The following BACH2 variants were observed in gnomAD, a reference collection of about 807,000 sequenced individuals.
BACH2 encodes the protein BACH transcriptional regulator 2.
A neutral mutation model predicts 61.8 loss-of-function variants in BACH2; 5 were observed. The observed-to-expected ratio is 0.08, with a 90% CI of 0.04 to 0.17. The LOEUF (loss-of-function observed/expected upper bound fraction) is 0.17, where lower values mean the gene tolerates loss of function less well. Ranked by LOEUF, BACH2 falls within the 10% of genes least tolerant of loss-of-function variation. The pLI is 1.00. For missense variants in BACH2, 824 were observed against 1,091.1 expected, an observed-to-expected ratio of 0.76 and a Z score of 3.45; for synonymous variants, 446 against 440.1, an observed-to-expected ratio of 1.01 and a Z score of -0.17.
intron 4 of BACH2, among the ~76,000 whole-genome samples, chr6:90,178,708 T>C (rs1312297507): frequency 6.6e-6 from 1 of 152,194 alleles, no homozygotes; most frequent in Non-Finnish European, 1.5e-5. Flanking sequence ...AGAAATGCCA[T>C]GAGACTTCCT....
At chr6:90,027,035 C>A (rs1445127979) in intron 5 of BACH2, among the ~76,000 whole-genome samples, 1 of 152,048 alleles carries the variant, frequency 6.6e-6, no homozygotes, top group Admixed American at 6.6e-5. Context: ...TCCACTGGAG[C>A]CTAGGCACAC....
intron 5 of BACH2, among the ~76,000 whole-genome samples, chr6:90,078,605 T>C (rs1159853394): frequency 6.6e-6 from 1 of 152,198 alleles, no homozygotes; most frequent in Non-Finnish European, 1.5e-5. Context: ...ACACATTTTA[T>C]GATGCAACTG....
intron 4 of BACH2, among the ~76,000 whole-genome samples, chr6:90,090,428 AT>A (rs1782113362): frequency 6.6e-6 from 1 of 152,018 alleles, no homozygotes; most frequent in South Asian, 2.1e-4. Context: ...ACCAATTTAT[AT>A]TTTTTTTCAG....
intron 4 of BACH2, among the ~76,000 whole-genome samples, chr6:90,097,098 G>A (rs1446575083): frequency 1.3e-5 from 2 of 152,138 alleles, no homozygotes; most frequent in Non-Finnish European, 2.9e-5. Context: ...TCTTTCTCCT[G>A]TCTGCCCTCT....
At chr6:90,061,061 C>T (rs1357211076) in intron 5 of BACH2, among the ~76,000 whole-genome samples, 1 of 152,134 alleles carries the variant, frequency 6.6e-6, no homozygotes, top group East Asian at 1.9e-4. Flanking sequence ...AAGAGGTCCT[C>T]TTTAAAAGTT....
Position 90,273,951 on chromosome 6 carries a change from T to C in BACH2, c.-445-2010A>G, listed in dbSNP as rs1771605397. ...TGAATAAGAACATGTAAAGCTCCTA[T>C]CATATAATCAGGCGTAAACATTAGT... On this transcript the variant is annotated intron_variant, in intron 1 of 8. Coordinates refer to ENST00000257749, the MANE Select transcript of BACH2 (RefSeq NM_021813.4). Among the ~76,000 whole-genome samples, 3 of 152,206 alleles carry C rather than the reference T, an allele frequency of 2.0e-5. No homozygotes were observed. In the South Asian group the frequency reaches 6.2e-4, roughly 32 times the overall value.
chr6:90,029,316 T>C (rs1273026903), intron 5 of BACH2, among the ~76,000 whole-genome samples: 1 of 152,098 alleles, frequency 6.6e-6, no homozygotes, highest in South Asian at 2.1e-4. Context: ...AGAGTCTCCT[T>C]ATGTGTGAAA....
rs772938740 is a variant in BACH2 at position 89,950,534 on chromosome 6, A to G, written c.1572T>C (p.Ser524=). ...TCCCGTCCTCCGCGTAGGAATAGGA[A>G]GAGCAGGAGCTGGAAGTCCTGGTCC... ...ETRTRTSSSC[S]SYSYAEDGSG... The change falls in exon 7 of 9, where the codon TCT becomes TCC. Residue 524 remains serine (S), a synonymous_variant. Coordinates refer to ENST00000257749, the MANE Select transcript of BACH2 (RefSeq NM_021813.4). This position sits in a 1 kb window ranked among gnomAD's most constrained non-coding sequence, Gnocchi z 5.3. 5 of 1,612,160 alleles carry G rather than the reference A, an allele frequency of 3.1e-6. No individual in the cohort carries two copies. Among genetic ancestry groups the G allele is most frequent in the African/African-American group, 2.7e-5 (2 of 74,824 alleles).
intron 2 of BACH2, among the ~76,000 whole-genome samples, chr6:90,256,621 A>G (rs1770987438): frequency 6.6e-6 from 1 of 152,182 alleles, no homozygotes; most frequent in African/African-American, 2.4e-5. Flanking sequence ...GTATTTTTTT[A>G]TTTTGAAAAA....
At chr6:90,071,501 G>A (rs1291110136) in intron 5 of BACH2, among the ~76,000 whole-genome samples, 3 of 152,222 alleles carry the variant, frequency 2.0e-5, no homozygotes, top group Non-Finnish European at 2.9e-5. Context: ...GTCTTTCCAG[G>A]CAGATGGAAA....
intron 1 of BACH2, among the ~76,000 whole-genome samples, chr6:90,286,791 A>G (rs916563261): frequency 2.0e-5 from 3 of 152,130 alleles, no homozygotes; most frequent in Non-Finnish European, 1.5e-5. Context: ...AAATCTTTAT[A>G]CTTACCGGTT....
chr6:90,238,866 G>A (rs1049161836), intron 3 of BACH2, among the ~76,000 whole-genome samples: 7 of 152,078 alleles, frequency 4.6e-5, no homozygotes, highest in Non-Finnish European at 1.0e-4. Flanking sequence ...CTTGTGTGGA[G>A]CTCATCTAGT....
chr6:90,190,757 T>C (rs966219581), intron 4 of BACH2, among the ~76,000 whole-genome samples: 4 of 152,204 alleles, frequency 2.6e-5, no homozygotes, highest in East Asian at 3.9e-4. Context: ...ATACCAAATA[T>C]TGTATTCACT....
chr6:90,020,935 G>A (rs1421013308), intron 5 of BACH2, among the ~76,000 whole-genome samples: 1 of 152,148 alleles, frequency 6.6e-6, no homozygotes, highest in Non-Finnish European at 1.5e-5. Flanking sequence ...ACGTGTTAAA[G>A]TATGTAGACA....
chr6:90,192,762 G>A (rs367841854), intron 4 of BACH2, among the ~76,000 whole-genome samples: 67 of 152,172 alleles, frequency 4.4e-4, no homozygotes, highest in African/African-American at 3.9e-4. Context: ...AAATTCCCTT[G>A]AGAATATATT....
At position 90,166,669 on chromosome 6, in the gene BACH2, C is replaced by T. The variant is rs1350593378; in HGVS notation, c.-162+39900G>A. On this transcript the variant is annotated intron_variant, in intron 4 of 8. Coordinates refer to ENST00000257749, the MANE Select transcript of BACH2 (RefSeq NM_021813.4). ...TGGAACCAACCCAAATGTCCAACAA[C>T]GATAGACTGGATTAAGAAAATGTGG... Among the ~76,000 whole-genome samples, 91 of 152,076 alleles carry T rather than the reference C, an allele frequency of 6.0e-4. No individual in the cohort carries two copies. In the Middle Eastern group the frequency reaches 0.014, roughly 23 times the overall value.
chr6:90,000,223 C>G (rs150854377), intron 6 of BACH2, among the ~76,000 whole-genome samples: 1 of 152,146 alleles, frequency 6.6e-6, no homozygotes, highest in African/African-American at 2.4e-5. Context: ...GCTGCCTTAC[C>G]GCAACTCCAT....
intron 4 of BACH2, among the ~76,000 whole-genome samples, chr6:90,110,816 C>G (rs1010457216): frequency 6.6e-6 from 1 of 152,308 alleles, no homozygotes; most frequent in East Asian, 1.9e-4. Flanking sequence ...CAAACAACTG[C>G]ACACGGGTTT....
chr6:89,965,943 T>A (rs549635494), intron 6 of BACH2, among the ~76,000 whole-genome samples: 2 of 152,132 alleles, frequency 1.3e-5, no homozygotes, highest in East Asian at 3.9e-4. Flanking sequence ...ATTTGCAAAA[T>A]AGGAATAAAT....
Sources: gnomAD v4.1 joint callset for allele counts (sites outside exome capture counted in the v4.1 genomes callset) on GRCh38, gnomAD v4.1.1 for gene constraint, Gnocchi (gnomAD v3.1) non-coding constraint, MANE v1.5 for transcripts, NCBI Gene and HGNC (gene_info 2026-07-23, HGNC 2026-07-21) for gene names.